Variants in NR6A1 observed in about 807,000 individuals in gnomAD.
NR6A1 encodes the protein nuclear receptor subfamily 6 group A member 1.
In NR6A1, 7 loss-of-function variants were observed where a neutral mutation model predicts 59.1. The ratio of observed to expected loss-of-function variants is 0.12; its 90% confidence interval spans 0.07 to 0.22. The LOEUF (loss-of-function observed/expected upper bound fraction) is 0.22. Among genes scored for constraint, NR6A1 ranks in the 10% least tolerant of loss-of-function variants. The pLI is 1.00. For synonymous variants in NR6A1, 243 were observed against 236.1 expected, an observed-to-expected ratio of 1.03 and a Z score of -0.27; for missense variants, 468 against 611.6, an observed-to-expected ratio of 0.77 and a Z score of 2.48.
Position 124,754,558 on chromosome 9 carries a change from G to A in NR6A1, c.100+16462C>T, listed in dbSNP as rs76665756. Reference sequence around the variant, plus strand: ...CATCCTTGTCTGGGCTGCAGGGCATGGGGGAGAAATGATGTATAGGAAACG... The same window carrying A: ...CATCCTTGTCTGGGCTGCAGGGCATAGGGGAGAAATGATGTATAGGAAACG... On this transcript the variant is annotated intron_variant, in intron 1 of 9. Coordinates refer to ENST00000487099, the MANE Select transcript of NR6A1 (RefSeq NM_033334.4). Among the ~76,000 whole-genome samples, 1,403 of 152,204 alleles carry A rather than the reference G, an allele frequency of 9.2e-3. 22 individuals carry two copies. The highest frequency in any genetic ancestry group is 0.031 in the African/African-American group (1,291 of 41,522).
chr9:124,653,713 T>G (rs755415402), intron 2 of NR6A1, among the ~76,000 whole-genome samples: 1 of 152,228 alleles, frequency 6.6e-6, no homozygotes, highest in Admixed American at 6.5e-5. Flanking sequence ...TGGCCTATAC[T>G]TTTCAGAGTT....
chr9:124,643,066 T>C (rs1281899906), intron 2 of NR6A1, among the ~76,000 whole-genome samples: 1 of 120,438 alleles, frequency 8.3e-6, no homozygotes, highest in African/African-American at 3.2e-5. Context: ...CTCAAGTGAG[T>C]ACCAGTTACA....
intron 2 of NR6A1, among the ~76,000 whole-genome samples, chr9:124,667,035 CCTA>C (rs530275205): frequency 1.6e-4 from 24 of 151,872 alleles, no homozygotes; most frequent in Non-Finnish European, 2.8e-4. Flanking sequence ...TATTATCCAC[CCTA>C]CTTTTTTTTT....
intron 1 of NR6A1, among the ~76,000 whole-genome samples, chr9:124,748,843 C>G (rs1194093043): frequency 6.9e-6 from 1 of 144,634 alleles, no homozygotes. Context: ...CTAGCCTGGG[C>G]GACAGAGCGA....
chr9:124,669,295 A>T (rs1837718128), intron 2 of NR6A1, among the ~76,000 whole-genome samples: 1 of 152,272 alleles, frequency 6.6e-6, no homozygotes, highest in African/African-American at 2.4e-5. Context: ...ATATGGATAT[A>T]TACTTTGGTT....
chr9:124,690,537 T>C (rs1351555555), intron 2 of NR6A1, among the ~76,000 whole-genome samples: 1 of 151,944 alleles, frequency 6.6e-6, no homozygotes. Flanking sequence ...AATGTCAGCC[T>C]ATAATTTTTT....
chr9:124,643,950 G>A (rs950922598), intron 2 of NR6A1, among the ~76,000 whole-genome samples: 1 of 152,032 alleles, frequency 6.6e-6, no homozygotes, highest in Admixed American at 6.5e-5. Context: ...CACCAGGCTG[G>A]GGTGCAGTGG....
chr9:124,648,054 T>C (rs918984669), intron 2 of NR6A1, among the ~76,000 whole-genome samples: 11 of 151,988 alleles, frequency 7.2e-5, no homozygotes, highest in African/African-American at 2.7e-4. Flanking sequence ...AAATCCTCAA[T>C]AGAATACTAG....
chr9:124,532,031 A>C (rs1481613472), intron 7 of NR6A1, among the ~76,000 whole-genome samples: 1 of 152,090 alleles, frequency 6.6e-6, no homozygotes, highest in Non-Finnish European at 1.5e-5. Context: ...TAATTCCTCC[A>C]CTTAAAAACT....
At chr9:124,752,477 T>C (rs138199585) in intron 1 of NR6A1, among the ~76,000 whole-genome samples, 38 of 152,262 alleles carry the variant, frequency 2.5e-4, no homozygotes, top group African/African-American at 8.9e-4. Flanking sequence ...AAATGGTAAT[T>C]AAACATAATT....
intron 7 of NR6A1, among the ~76,000 whole-genome samples, chr9:124,534,430 T>G (rs1833192619): frequency 6.6e-6 from 1 of 152,170 alleles, no homozygotes; most frequent in African/African-American, 2.4e-5. Context: ...TCATCTGTCT[T>G]GATTTTAGGG....
chr9:124,554,333 C>T lies in NR6A1; in HGVS notation c.380G>A (p.Arg127Gln), dbSNP rs375272273. ...GAGCCATCAGCACCACTCACCCTTCCGGTTCATCCCCATCTGGAGGCATTT... is the reference window on the plus strand; with the variant it reads ...GAGCCATCAGCACCACTCACCCTTCTGGTTCATCCCCATCTGGAGGCATTT... ...LLKCLQMGMNRKAIREDGMPG... is the reference protein window; with the variant it reads ...LLKCLQMGMNQKAIREDGMPG... Residue 127 changes from arginine to glutamine, a missense_variant, in exon 3 of 10, where the codon CGG becomes CAG. Around this residue, in one of 4 missense-constraint regions of NR6A1, gnomAD observed 66 missense variants for 139.2 expected, o/e 0.47. Transcript: ENST00000487099. The T allele has an allele frequency of 3.7e-6, 6 of 1,614,042 alleles. No homozygotes were observed. The Admixed American group carries it at 5.0e-5, about 13-fold the overall frequency.
chr9:124,728,187 T>A (rs1175901426), intron 2 of NR6A1, among the ~76,000 whole-genome samples: 1 of 151,140 alleles, frequency 6.6e-6, no homozygotes, highest in Non-Finnish European at 1.5e-5. Flanking sequence ...CCACCACACC[T>A]GGCTAATTTT....
chr9:124,728,511 T>C (rs1839791321), intron 2 of NR6A1, among the ~76,000 whole-genome samples: 1 of 151,904 alleles, frequency 6.6e-6, no homozygotes, highest in African/African-American at 2.4e-5. Flanking sequence ...GGCAGGCGCC[T>C]GTAATCCCAG....
intron 1 of NR6A1, among the ~76,000 whole-genome samples, chr9:124,743,121 A>G (rs1420444286): frequency 6.6e-6 from 1 of 152,228 alleles, no homozygotes; most frequent in Non-Finnish European, 1.5e-5. Flanking sequence ...CCTGCCTTAC[A>G]GCCATATCTG....
chr9:124,758,990 C>T (rs571990806), intron 1 of NR6A1, among the ~76,000 whole-genome samples: 1 of 152,156 alleles, frequency 6.6e-6, no homozygotes, highest in African/African-American at 2.4e-5. Context: ...GCATTTGAGA[C>T]AGAGCTAGAA....
intron 2 of NR6A1, among the ~76,000 whole-genome samples, chr9:124,704,493 C>T (rs1214973419): frequency 6.6e-6 from 1 of 151,998 alleles, no homozygotes; most frequent in Non-Finnish European, 1.5e-5. Flanking sequence ...TCACCGCAGC[C>T]TCAAACTGCT....
At chr9:124,614,304 T>C (rs1272098234) in intron 2 of NR6A1, among the ~76,000 whole-genome samples, 1 of 152,016 alleles carries the variant, frequency 6.6e-6, no homozygotes, top group Admixed American at 6.6e-5. Flanking sequence ...GAAAAAATCA[T>C]CCCAAAGGAG....
intron 2 of NR6A1, among the ~76,000 whole-genome samples, chr9:124,693,997 AG>A (rs772347508): frequency 1.8e-4 from 28 of 152,354 alleles, no homozygotes; most frequent in Admixed American, 8.5e-4. Flanking sequence ...GATATTTTAT[AG>A]GAAGAATTAA....
Sources: gnomAD v4.1 joint callset for allele counts (sites outside exome capture counted in the v4.1 genomes callset) on GRCh38, gnomAD v4.1.1 for gene constraint, gnomAD v4.1.1 regional missense constraint, MANE v1.5 for transcripts, NCBI Gene and HGNC (gene_info 2026-07-23, HGNC 2026-07-21) for gene names.